Variants in MARCHF1 observed in about 807,000 individuals in gnomAD.
MARCHF1 encodes membrane associated ring-CH-type finger 1.
Under a neutral mutation model 54.2 loss-of-function variants are expected in MARCHF1, and 40 were observed. That is an observed-to-expected ratio of 0.74 (90% CI 0.57 to 0.96). The LOEUF (loss-of-function observed/expected upper bound fraction) is 0.96, where lower values mean the gene tolerates loss of function less well. MARCHF1 is among the 40% of genes least tolerant of loss of function. The pLI is 0.00. For missense variants in MARCHF1, 586 were observed against 656.5 expected (o/e 0.89, Z 1.17); for synonymous variants, 236 against 236.3 (o/e 1.00, Z 0.01).
intron 5 of MARCHF1, among the ~76,000 whole-genome samples, chr4:163,684,926 C>T (rs188018069): frequency 3.9e-5 from 6 of 152,356 alleles, no homozygotes; most frequent in African/African-American, 9.6e-5. Flanking sequence ...ATAAATGTAT[C>T]TTGTTTCCAC....
intron 3 of MARCHF1, among the ~76,000 whole-genome samples, chr4:163,936,602 T>C (rs770412909): frequency 3.9e-5 from 6 of 152,190 alleles, no homozygotes; most frequent in Non-Finnish European, 5.9e-5. Context: ...TTAGACATTG[T>C]GACCTGGGAC....
intron 2 of MARCHF1, among the ~76,000 whole-genome samples, chr4:164,046,475 T>C (rs1413223671): frequency 6.6e-6 from 1 of 152,230 alleles, no homozygotes; most frequent in Non-Finnish European, 1.5e-5. Flanking sequence ...TTTTATAGTA[T>C]CATCTGACAC....
intron 4 of MARCHF1, among the ~76,000 whole-genome samples, chr4:163,803,619 T>C (rs1336434018): frequency 3.3e-5 from 5 of 152,194 alleles, no homozygotes; most frequent in Non-Finnish European, 5.9e-5. Flanking sequence ...AGTGCCCACT[T>C]GAGATTATGA....
chr4:163,775,987 AG>A (rs1747294409), intron 4 of MARCHF1, among the ~76,000 whole-genome samples: 1 of 152,152 alleles, frequency 6.6e-6, no homozygotes, highest in African/African-American at 2.4e-5. Flanking sequence ...CTTGGTGGCA[AG>A]GGTGCAGCTT....
chr4:163,750,837 T>C (rs189300125), intron 4 of MARCHF1, among the ~76,000 whole-genome samples: 143 of 152,260 alleles, frequency 9.4e-4, no homozygotes, highest in Non-Finnish European at 1.4e-3. Context: ...AATTGACCAT[T>C]CTGTATTTCT....
intron 1 of MARCHF1, among the ~76,000 whole-genome samples, chr4:164,152,804 TCAATCCTAGGCCTTTAGA>T (rs1256767346): frequency 6.6e-6 from 1 of 152,166 alleles, no homozygotes; most frequent in Non-Finnish European, 1.5e-5. Context: ...TTCCTTTCTA[TCAATCCTAGGCCTTTAGA>T]CAAACTCAAC....
intron 1 of MARCHF1, among the ~76,000 whole-genome samples, chr4:164,290,529 A>C (rs2111365024): frequency 6.6e-6 from 1 of 152,014 alleles, no homozygotes; most frequent in Middle Eastern, 3.4e-3. Context: ...AAAAAAAGAG[A>C]AAAAAATTGT....
intron 5 of MARCHF1, among the ~76,000 whole-genome samples, chr4:163,675,563 T>C (rs1272531393): frequency 6.6e-6 from 1 of 152,212 alleles, no homozygotes; most frequent in Non-Finnish European, 1.5e-5. Flanking sequence ...CTAGAAAATA[T>C]TAACAAAATT....
intron 1 of MARCHF1, among the ~76,000 whole-genome samples, chr4:164,199,980 T>C (rs1016992314): frequency 6.6e-6 from 1 of 152,164 alleles, no homozygotes; most frequent in Non-Finnish European, 1.5e-5. Flanking sequence ...TACCTTTGGT[T>C]CTTTTGCTTT....
At chr4:164,359,333 A>C (rs562847222) in intron 1 of MARCHF1, among the ~76,000 whole-genome samples, 1 of 152,306 alleles carries the variant, frequency 6.6e-6, no homozygotes, top group Non-Finnish European at 1.5e-5. Context: ...TGTCTAATGC[A>C]TTTAAAAGTT....
intron 8 of MARCHF1, among the ~76,000 whole-genome samples, chr4:163,547,096 A>G (rs1268383226): frequency 6.6e-6 from 1 of 152,144 alleles, no homozygotes; most frequent in African/African-American, 2.4e-5. Flanking sequence ...ACCATCCCAC[A>G]TGTGGATTTC....
At chr4:164,297,385 G>A (rs1259316981) in intron 1 of MARCHF1, among the ~76,000 whole-genome samples, 1 of 152,068 alleles carries the variant, frequency 6.6e-6, no homozygotes, top group East Asian at 1.9e-4. Flanking sequence ...TGAGAGCATG[G>A]ACCCCTGATG....
chr4:163,801,671 C>T (rs1039758042), intron 4 of MARCHF1, among the ~76,000 whole-genome samples: 3 of 152,058 alleles, frequency 2.0e-5, no homozygotes, highest in South Asian at 4.1e-4. Flanking sequence ...TGATTTTCCC[C>T]TTCCCAGTCA....
chr4:164,038,868 A>C (rs1337385610), intron 2 of MARCHF1, among the ~76,000 whole-genome samples: 1 of 152,200 alleles, frequency 6.6e-6, no homozygotes. Context: ...TACCAAATTT[A>C]TTATCTTCAG....
chr4:164,373,352 CTTTTTTT>C (rs5863683), intron 1 of MARCHF1, among the ~76,000 whole-genome samples: 11 of 91,616 alleles, frequency 1.2e-4, no homozygotes, highest in Admixed American at 3.0e-4. Context: ...TGAAAAACTA[CTTTTTTT>C]TTTTTTTTTT....
Position 164,340,405 on chromosome 4 carries a change from T to TTATA in MARCHF1, c.-323+43461_-323+43464dup, listed in dbSNP as rs1554002572. Among the ~76,000 whole-genome samples the TTATA allele has an allele frequency of 2.9e-4, 28 of 95,644 alleles. 4 individuals are homozygous for TTATA. The highest frequency in any genetic ancestry group is 1.6e-3 in the Admixed American group (13 of 8,002). 62.7% of individuals were successfully genotyped at this position (95,644 alleles called of 152,430 possible). A position where few individuals can be genotyped will look rare whatever the true frequency, so the allele number is the denominator to read the frequency against. On this transcript the variant is annotated intron_variant, in intron 1 of 9. Coordinates refer to ENST00000514618, the MANE Select transcript of MARCHF1 (RefSeq NM_001394959.1). ...ACAGCACATGCCACCAGGCCTTGAT[T>TTATA]TATATATAGATATATATATATATAT... is the stretch of plus-strand genomic sequence containing the variant.
chr4:164,358,667 A>G (rs79607044), intron 1 of MARCHF1, among the ~76,000 whole-genome samples: 16,219 of 152,164 alleles, frequency 0.11, 1,442 homozygotes, highest in East Asian at 0.29. Flanking sequence ...GCTATCTTTA[A>G]AGAAGGAAGT....
At position 164,312,742 on chromosome 4, in the gene MARCHF1, A is replaced by AATATATAT. The variant is rs148863385; in HGVS notation, c.-323+71120_-323+71127dup. On this transcript the variant is annotated intron_variant, in intron 1 of 9. Coordinates refer to ENST00000514618, the MANE Select transcript of MARCHF1 (RefSeq NM_001394959.1). Reference sequence around the variant, plus strand: ...CACAGTGTTTCTTCATGTGGAAGGAAATATATATATATACATATCAACAGA... The same window carrying AATATATAT: ...CACAGTGTTTCTTCATGTGGAAGGAAATATATATATATATATATATACATATCAACAGA... Among the ~76,000 whole-genome samples, 28 of 151,926 alleles carry AATATATAT rather than the reference A, an allele frequency of 1.8e-4. No homozygotes were observed. In the South Asian group the frequency reaches 5.8e-3, roughly 32 times the overall value.
chr4:164,143,009 G>A (rs528283144), intron 1 of MARCHF1, among the ~76,000 whole-genome samples: 2 of 151,276 alleles, frequency 1.3e-5, no homozygotes, highest in South Asian at 2.1e-4. Flanking sequence ...CAAGGCTCGA[G>A]AACTAAGTGA....
Sources: gnomAD v4.1 joint callset for allele counts (sites outside exome capture counted in the v4.1 genomes callset) on GRCh38, gnomAD v4.1.1 for gene constraint, MANE v1.5 for transcripts, NCBI Gene and HGNC (gene_info 2026-07-23, HGNC 2026-07-21) for gene names.